Variants in ZSWIM5 observed in about 807,000 individuals in gnomAD.
The protein encoded by ZSWIM5 is zinc finger SWIM-type containing 5, also known as zinc finger SWIM domain-containing protein 5.
Under a neutral mutation model 119.6 loss-of-function variants are expected in ZSWIM5, and 55 were observed. The ratio of observed to expected loss-of-function variants is 0.46; its 90% confidence interval spans 0.37 to 0.58. The LOEUF (loss-of-function observed/expected upper bound fraction) is 0.58, where lower values mean the gene tolerates loss of function less well. ZSWIM5 is among the 20% of genes least tolerant of loss of function. The pLI is 0.00. For synonymous variants in ZSWIM5, 537 were observed against 606.9 expected (o/e 0.88, Z 1.69); for missense variants, 1,193 against 1,512.8 (o/e 0.79, Z 3.51).
intron 1 of ZSWIM5, among the ~76,000 whole-genome samples, chr1:45,138,632 G>A (rs572700068): frequency 2.6e-5 from 4 of 152,186 alleles, no homozygotes; most frequent in Admixed American, 6.5e-5. Flanking sequence ...TGGGACATGA[G>A]GATACAGGCT....
chr1:45,048,080 CTCTT>C (rs71040543), intron 5 of ZSWIM5, among the ~76,000 whole-genome samples: 623 of 4,260 alleles, frequency 0.15, 35 homozygotes, highest in East Asian at 0.46. Flanking sequence ...CTTTTCTTTT[CTCTT>C]TTTTTTTTTT....
At chr1:45,104,392 C>A (rs957425255) in intron 1 of ZSWIM5, among the ~76,000 whole-genome samples, 1 of 152,220 alleles carries the variant, frequency 6.6e-6, no homozygotes, top group African/African-American at 2.4e-5. Context: ...ATTCTAGTAC[C>A]CCTCAATTCC....
intron 2 of ZSWIM5, among the ~76,000 whole-genome samples, chr1:45,061,911 C>T (rs760163466): frequency 1.3e-5 from 2 of 151,676 alleles, no homozygotes; most frequent in Non-Finnish European, 1.5e-5. Context: ...ACCAACATGG[C>T]GAAACCCTCC....
At chr1:45,188,600 T>C (rs1156927217) in intron 1 of ZSWIM5, among the ~76,000 whole-genome samples, 1 of 152,244 alleles carries the variant, frequency 6.6e-6, no homozygotes, top group African/African-American at 2.4e-5. Context: ...ACATGAAGTA[T>C]ATCTCACTAA....
chr1:45,019,602 C>T lies in ZSWIM5; in HGVS notation c.2696-286G>A, dbSNP rs370286314. On this transcript the variant is annotated intron_variant, in intron 13 of 13. Transcript: ENST00000359600. The surrounding 1 kb of genome is among the most constrained non-coding windows in gnomAD (Gnocchi z 5.0). ...ACAGTAGAGCCTGGGGTTTGCTTGCCCTGAGGCATGGGTTACAGATCTGCC... is the reference window on the plus strand; with the variant it reads ...ACAGTAGAGCCTGGGGTTTGCTTGCTCTGAGGCATGGGTTACAGATCTGCC... Among the ~76,000 whole-genome samples the T allele has an allele frequency of 2.6e-5, 4 of 152,252 alleles. No homozygotes were observed. In the East Asian group the frequency reaches 7.7e-4, roughly 29 times the overall value.
intron 1 of ZSWIM5, among the ~76,000 whole-genome samples, chr1:45,179,890 A>G (rs1166948999): frequency 1.3e-5 from 2 of 152,164 alleles, no homozygotes; most frequent in African/African-American, 4.8e-5. Flanking sequence ...AAGAGGCTTA[A>G]AGTCAGAGAC....
At chr1:45,079,733 C>A (rs187839697) in intron 2 of ZSWIM5, among the ~76,000 whole-genome samples, 1 of 152,184 alleles carries the variant, frequency 6.6e-6, no homozygotes, top group Non-Finnish European at 1.5e-5. Flanking sequence ...CTGAGACTCA[C>A]CTTAAGCCAG....
intron 2 of ZSWIM5, among the ~76,000 whole-genome samples, chr1:45,062,128 T>G (rs949211407): frequency 6.6e-6 from 1 of 152,096 alleles, no homozygotes; most frequent in Non-Finnish European, 1.5e-5. Flanking sequence ...TTAACTGTGG[T>G]CACCATGTAG....
intron 1 of ZSWIM5, among the ~76,000 whole-genome samples, chr1:45,141,765 C>A (rs756308849): frequency 1.3e-5 from 2 of 152,132 alleles, no homozygotes; most frequent in South Asian, 4.1e-4. Flanking sequence ...ACAAAGTAGA[C>A]CTTGAACACG....
intron 1 of ZSWIM5, among the ~76,000 whole-genome samples, chr1:45,119,600 T>C (rs1645578853): frequency 6.6e-6 from 1 of 152,232 alleles, no homozygotes; most frequent in South Asian, 2.1e-4. Flanking sequence ...AACTTGTCAA[T>C]GTATGCTGTT....
At position 45,206,461 on chromosome 1, in the gene ZSWIM5, G is replaced by A. The variant is rs950466258; in HGVS notation, c.-111C>T. ...AGCGCCCAGCGGTGGCGCCGAGGGG[G>A]GCGGGGCGAGAGAACCCGCGAGCCA... On this transcript the variant is annotated 5_prime_UTR_variant, in exon 1 of 14. Transcript: ENST00000359600. 1.7e-6 allele frequency: 2 copies of A among 1,210,188 alleles called. No homozygotes were observed. The highest frequency in any genetic ancestry group is 3.4e-5 in the East Asian group (1 of 29,844). The allele number at this position is 1,210,188 out of a possible 1,614,324, so 75.0% of individuals were successfully genotyped here. A position where few individuals can be genotyped will look rare whatever the true frequency, so the allele number is the denominator to read the frequency against.
chr1:45,164,526 A>C (rs1450796232), intron 1 of ZSWIM5, among the ~76,000 whole-genome samples: 1 of 152,182 alleles, frequency 6.6e-6, no homozygotes, highest in Non-Finnish European at 1.5e-5. Flanking sequence ...ACAGACTGGC[A>C]AATTGGATAA....
At chr1:45,102,246 T>G (rs1403124072) in intron 1 of ZSWIM5, among the ~76,000 whole-genome samples, 1 of 152,156 alleles carries the variant, frequency 6.6e-6, no homozygotes, top group African/African-American at 2.4e-5. Context: ...TCTCCCACAT[T>G]CCAAACACAC....
chr1:45,173,811 T>C (rs1645959933), intron 1 of ZSWIM5, among the ~76,000 whole-genome samples: 2 of 152,184 alleles, frequency 1.3e-5, no homozygotes, highest in African/African-American at 4.8e-5. Flanking sequence ...AGTGAAACTA[T>C]ATTAAGTGGC....
At chr1:45,096,433 T>TG (rs1233773664) in intron 1 of ZSWIM5, among the ~76,000 whole-genome samples, 7 of 134,108 alleles carry the variant, frequency 5.2e-5, no homozygotes, top group African/African-American at 1.9e-4. Context: ...TAGATAACTG[T>TG]TTGTGTGTGT....
At chr1:45,093,995 C>A (rs961660469) in intron 1 of ZSWIM5, among the ~76,000 whole-genome samples, 2 of 150,942 alleles carry the variant, frequency 1.3e-5, no homozygotes, top group African/African-American at 2.4e-5. Context: ...CAGGTGCATG[C>A]CACTATGCCT....
intron 1 of ZSWIM5, among the ~76,000 whole-genome samples, chr1:45,135,416 T>C (rs1645683105): frequency 6.6e-6 from 1 of 152,346 alleles, no homozygotes. Context: ...CTTAATGTTA[T>C]GTGTTTTGTC....
chr1:45,069,127 T>C (rs1645204441), intron 2 of ZSWIM5, among the ~76,000 whole-genome samples: 1 of 151,966 alleles, frequency 6.6e-6, no homozygotes, highest in Non-Finnish European at 1.5e-5. Context: ...CTTTTCACTT[T>C]AGAAATTCAT....
chr1:45,161,848 T>G (rs748545021), intron 1 of ZSWIM5, among the ~76,000 whole-genome samples: 1 of 152,192 alleles, frequency 6.6e-6, no homozygotes, highest in South Asian at 2.1e-4. Flanking sequence ...AAACACAGCT[T>G]ACTTGTAAGA....
Sources: gnomAD v4.1 joint callset for allele counts (sites outside exome capture counted in the v4.1 genomes callset) on GRCh38, gnomAD v4.1.1 for gene constraint, Gnocchi (gnomAD v3.1) non-coding constraint, MANE v1.5 for transcripts, NCBI Gene and HGNC (gene_info 2026-07-23, HGNC 2026-07-21) for gene names.